BBS9: variants seen among roughly 807,000 people sequenced by gnomAD.
The protein encoded by BBS9 is protein PTHB1.
Under a neutral mutation model 117.7 loss-of-function variants are expected in BBS9, and 89 were observed. That is an observed-to-expected ratio of 0.76 (90% CI 0.64 to 0.90). The LOEUF is 0.90. Ranked by LOEUF, BBS9 falls within the 40% of genes least tolerant of loss-of-function variation. BBS9 has a pLI of 0.00. For synonymous variants in BBS9, 379 were observed against 370.9 expected (o/e 1.02, Z -0.25); for missense variants, 982 against 1,042.2 (o/e 0.94, Z 0.80).
chr7:33,295,825 T>C (rs1340325323), intron 9 of BBS9, among the ~76,000 whole-genome samples: 1 of 152,016 alleles, frequency 6.6e-6, no homozygotes, highest in East Asian at 1.9e-4. Context: ...GAATTTTTGG[T>C]CAACAGTGAA....
At chr7:33,614,168 A>G (rs926866342) in intron 21 of BBS9, among the ~76,000 whole-genome samples, 6 of 152,074 alleles carry the variant, frequency 3.9e-5, no homozygotes, top group African/African-American at 1.4e-4. Flanking sequence ...AAATACAAAA[A>G]CTTCAGTGAA....
chr7:33,488,253 A>G (rs1295925308), intron 19 of BBS9, among the ~76,000 whole-genome samples: 5 of 152,144 alleles, frequency 3.3e-5, no homozygotes, highest in Non-Finnish European at 5.9e-5. Context: ...CTTGTAGGTA[A>G]TAAGTGGCAT....
chr7:33,595,639 G>T (rs1862625543), intron 21 of BBS9, among the ~76,000 whole-genome samples: 1 of 152,230 alleles, frequency 6.6e-6, no homozygotes, highest in East Asian at 1.9e-4. Flanking sequence ...ATTCCTTAAG[G>T]ATCTAGAACC....
At chr7:33,236,402 T>G (rs1793508978) in intron 5 of BBS9, among the ~76,000 whole-genome samples, 2 of 151,668 alleles carry the variant, frequency 1.3e-5, no homozygotes, top group Non-Finnish European at 2.9e-5. Flanking sequence ...TGGATGTTGT[T>G]AAATTTTATG....
At chr7:33,515,352 T>C (rs1458094834) in intron 20 of BBS9, among the ~76,000 whole-genome samples, 1 of 150,140 alleles carries the variant, frequency 6.7e-6, no homozygotes, top group Non-Finnish European at 1.5e-5. Flanking sequence ...GTCATTAAAC[T>C]ACAGCTCATC....
At chr7:33,592,389 T>C (rs1862073248) in intron 21 of BBS9, among the ~76,000 whole-genome samples, 1 of 152,168 alleles carries the variant, frequency 6.6e-6, no homozygotes, top group Admixed American at 6.6e-5. Flanking sequence ...AGATACATGA[T>C]ACTTGCCATG....
At chr7:33,608,890 T>C (rs1864725197), downstream of BBS9, among the ~76,000 whole-genome samples, 1 of 151,776 alleles carries the variant, frequency 6.6e-6, no homozygotes, top group Non-Finnish European at 1.5e-5. Flanking sequence ...TTTTTGTTTT[T>C]GTTGCATTTG....
chr7:33,192,378 T>G (rs1784267743), intron 5 of BBS9, among the ~76,000 whole-genome samples: 1 of 152,170 alleles, frequency 6.6e-6, no homozygotes, highest in African/African-American at 2.4e-5. Flanking sequence ...TCCTAAATAT[T>G]TAGTGATGAT....
At chr7:33,613,810 C>T (rs1864998084) in intron 21 of BBS9, among the ~76,000 whole-genome samples, 1 of 151,910 alleles carries the variant, frequency 6.6e-6, no homozygotes, top group South Asian at 2.1e-4. Flanking sequence ...TGTCCCCAGT[C>T]CGGGGTTCAT....
At chr7:33,393,797 C>G (rs768375755) in intron 19 of BBS9, among the ~76,000 whole-genome samples, 1 of 152,182 alleles carries the variant, frequency 6.6e-6, no homozygotes, top group African/African-American at 2.4e-5. Flanking sequence ...AGTTAGCCCT[C>G]TCTTGGCCTA....
chr7:33,186,441 CTGTGAG>C (rs749233804), intron 5 of BBS9, among the ~76,000 whole-genome samples: 9 of 152,160 alleles, frequency 5.9e-5, no homozygotes, highest in Non-Finnish European at 1.0e-4. Flanking sequence ...CTTGATTGGG[CTGTGAG>C]TGAATTTACC....
intron 19 of BBS9, among the ~76,000 whole-genome samples, chr7:33,494,441 C>T (rs1844445614): frequency 1.3e-5 from 2 of 152,142 alleles, no homozygotes; most frequent in African/African-American, 4.8e-5. Flanking sequence ...GTAAACTCAG[C>T]AGTAAAGACT....
intron 5 of BBS9, among the ~76,000 whole-genome samples, chr7:33,195,627 G>C (rs147462702): frequency 6.6e-6 from 1 of 151,944 alleles, no homozygotes; most frequent in African/African-American, 2.4e-5. Flanking sequence ...CAGAACTATC[G>C]AGTATTTGTG....
intron 5 of BBS9, among the ~76,000 whole-genome samples, chr7:33,202,291 T>C (rs958961707): frequency 2.4e-4 from 36 of 152,306 alleles, no homozygotes; most frequent in African/African-American, 8.2e-4. Context: ...GAAGAGGAGA[T>C]AAAAACTGTG....
At chr7:33,597,872 C>CA (rs61054119) in intron 21 of BBS9, among the ~76,000 whole-genome samples, 22,439 of 119,164 alleles carry the variant, frequency 0.19, 1,824 homozygotes, top group South Asian at 0.24. Flanking sequence ...GCATGTATAC[C>CA]AAAAAAAAAA....
intron 21 of BBS9, among the ~76,000 whole-genome samples, chr7:33,601,028 A>G (rs1300354402): frequency 6.6e-6 from 1 of 152,198 alleles, no homozygotes; most frequent in Non-Finnish European, 1.5e-5. Flanking sequence ...GTAACATTGT[A>G]GGAAAAGGGG....
chr7:33,626,454 A>C (rs1054509625), intron 21 of BBS9, among the ~76,000 whole-genome samples: 3 of 152,334 alleles, frequency 2.0e-5, no homozygotes, highest in African/African-American at 7.2e-5. Flanking sequence ...ACTGGGTAAC[A>C]GGCAGAGGTT....
chr7:33,159,011 T>C (rs2128121869), intron 4 of BBS9, among the ~76,000 whole-genome samples: 1 of 152,288 alleles, frequency 6.6e-6, no homozygotes, highest in South Asian at 2.1e-4. Flanking sequence ...GTTTACCTTA[T>C]TTGAACATAG....
chr7:33,481,597 A>G (rs1232822241), intron 19 of BBS9, among the ~76,000 whole-genome samples: 1 of 152,196 alleles, frequency 6.6e-6, no homozygotes, highest in Non-Finnish European at 1.5e-5. Flanking sequence ...ATACATGTCC[A>G]TATATGTGTA....
Sources: allele counts gnomAD v4.1 joint callset (sites outside exome capture counted in the v4.1 genomes callset), GRCh38; gene constraint gnomAD v4.1.1; transcripts MANE v1.5; gene names NCBI Gene and HGNC (gene_info 2026-07-23, HGNC 2026-07-21).